STYX: variants seen among roughly 807,000 people sequenced by gnomAD.
The protein encoded by STYX is serine/threonine/tyrosine-interacting protein.
In STYX, 20 loss-of-function variants were observed where a neutral mutation model predicts 42.7. The ratio of observed to expected loss-of-function variants is 0.47; its 90% CI spans 0.33 to 0.68. The LOEUF is 0.68. Among genes scored for constraint, STYX ranks in the 30% least tolerant of loss-of-function variants. STYX has a pLI of 0.02. For synonymous variants in STYX, 78 were observed against 81.9 expected (o/e 0.95, Z 0.26); for missense variants, 226 against 268.5 (o/e 0.84, Z 1.11).
chr14:52,740,154 G>A (rs1881128643), intron 1 of STYX, among the ~76,000 whole-genome samples: 1 of 152,076 alleles, frequency 6.6e-6, no homozygotes, highest in Admixed American at 6.5e-5. Flanking sequence ...GTGGGCGCTT[G>A]TAATCCCAGC....
At chr14:52,756,501 C>T in intron 4 of STYX, 50 bp from the exon 5 acceptor site, 1 of 1,049,990 alleles carries the variant, frequency 9.5e-7, no homozygotes, top group South Asian at 1.4e-5. Context: ...TTTAAAGTAC[C>T]TTAAGTGTTT....
At chr14:52,748,899 C>T (rs188295765) in intron 3 of STYX, among the ~76,000 whole-genome samples, 5 of 152,366 alleles carry the variant, frequency 3.3e-5, no homozygotes, top group Admixed American at 3.3e-4. Context: ...AAATGCTTAT[C>T]TCACTTTCCC....
intron 1 of STYX, among the ~76,000 whole-genome samples, chr14:52,735,969 TGACA>T (rs1394170905): frequency 6.6e-6 from 1 of 152,202 alleles, no homozygotes; most frequent in Non-Finnish European, 1.5e-5. Flanking sequence ...TTTAAACCCT[TGACA>T]TTATTTCCAG....
At chr14:52,731,185 G>T (rs1000228518) in intron 1 of STYX, among the ~76,000 whole-genome samples, 1 of 151,978 alleles carries the variant, frequency 6.6e-6, no homozygotes, top group African/African-American at 2.4e-5. Flanking sequence ...TTTCTACTCG[G>T]ATTTTTTTTC....
At chr14:52,752,160 A>AAAAAC (rs886430808) in intron 4 of STYX, among the ~76,000 whole-genome samples, 5 of 120,048 alleles carry the variant, frequency 4.2e-5, no homozygotes, top group African/African-American at 9.2e-5. Context: ...ACACCGTCTC[A>AAAAAC]AAAACAAAAC....
intron 4 of STYX, among the ~76,000 whole-genome samples, chr14:52,751,028 T>C (rs961810037): frequency 6.6e-6 from 1 of 152,134 alleles, no homozygotes; most frequent in Admixed American, 6.5e-5. Context: ...TTAAAAATAA[T>C]GTATACTGAA....
intron 10 of STYX, 126 bp downstream of exon 10, chr14:52,769,059 A>C: frequency 1.5e-6 from 1 of 650,642 alleles, no homozygotes; most frequent in Non-Finnish European, 2.6e-6. Context: ...AGCTAATTCC[A>C]GAAGGATTCA....
Position 52,746,209 on chromosome 14 carries a change from A to C in STYX, c.91-217A>C, listed in dbSNP as rs142130166. Among the ~76,000 whole-genome samples the C allele has an allele frequency of 2.6e-5, 4 of 152,232 alleles. No homozygotes were observed. The East Asian group carries it at 7.7e-4, about 29-fold the overall frequency. On this transcript the variant is annotated intron_variant, in intron 2 of 10. Transcript: ENST00000354586. Reference sequence around the variant, plus strand: ...TTTGGGAGGCTGAGGCAGAAGGATCACTAGAGCCCAGGAGTTCCTTATCAG... The same window carrying C: ...TTTGGGAGGCTGAGGCAGAAGGATCCCTAGAGCCCAGGAGTTCCTTATCAG...
chr14:52,732,813 G>A (rs1283001041), intron 1 of STYX, among the ~76,000 whole-genome samples: 17 of 151,836 alleles, frequency 1.1e-4, no homozygotes, highest in Admixed American at 1.1e-3. Flanking sequence ...TGGGATTACA[G>A]GCGCCCGCCA....
intron 9 of STYX, among the ~76,000 whole-genome samples, chr14:52,766,781 G>C (rs1882317764): frequency 6.7e-6 from 1 of 149,582 alleles, no homozygotes; most frequent in Non-Finnish European, 1.5e-5. Context: ...CCCCGGTATA[G>C]TTTATGTTCC....
chr14:52,757,335 A>G lies in STYX; in HGVS notation c.320A>G (p.Asp107Gly), dbSNP rs373329745. 4 of 1,607,010 alleles carry G rather than the reference A, an allele frequency of 2.5e-6. No homozygotes were observed. In the African/African-American group the frequency reaches 5.3e-5, roughly 21 times the overall value. ...TGCCTCCAGACTAAGGAATTTATTGATGGGAGCTTACAAATGGGAGGTAAA... is the reference window on the plus strand; with the variant it reads ...TGCCTCCAGACTAAGGAATTTATTGGTGGGAGCTTACAAATGGGAGGTAAA... ...RFFPMTKEFI[D>G]GSLQMGGKVL... The change falls in exon 6 of 11, where the codon GAT (aspartate) becomes GGT (glycine). Residue 107 changes from aspartate to glycine, a missense_variant. Asp to Gly is a moderately conservative substitution (Grantham distance 94). Transcript: ENST00000354586.
chr14:52,760,229 TA>T (rs1396873844), intron 9 of STYX, among the ~76,000 whole-genome samples: 4 of 152,120 alleles, frequency 2.6e-5, no homozygotes, highest in African/African-American at 9.7e-5. Flanking sequence ...TTTTTTTTCT[TA>T]AAGGCTGGCA....
intron 3 of STYX, among the ~76,000 whole-genome samples, chr14:52,750,094 A>G (rs1005577230): frequency 1.3e-5 from 2 of 152,044 alleles, no homozygotes; most frequent in African/African-American, 4.8e-5. Context: ...GGGATACTCA[A>G]CCTGTATTGA....
chr14:52,746,286 G>T, intron 2 of STYX, 140 bp from the exon 3 acceptor site: 3 of 555,662 alleles, frequency 5.4e-6, no homozygotes, highest in Non-Finnish European at 9.0e-6. Context: ...AAAAAAAAAA[G>T]ATTAAAAAAA....
chr14:52,739,335 T>TA (rs924514284), intron 1 of STYX, among the ~76,000 whole-genome samples: 3 of 152,152 alleles, frequency 2.0e-5, no homozygotes, highest in Non-Finnish European at 4.4e-5. Flanking sequence ...TTTCTTTAAT[T>TA]ACACAAAATT....
rs1416084525 is a variant in STYX at position 52,747,700 on chromosome 14, TA to T, written c.144+1222del. 2.0e-5 allele frequency among the ~76,000 whole-genome samples: 3 copies of T among 152,252 alleles called. No homozygotes were observed. The East Asian group carries it at 5.8e-4, about 29-fold the overall frequency. ...CTGTACTTTATAAATATACATACAG[TA>T]TTTATCACATTAAATTAAAGTATTT... On this transcript the variant is annotated intron_variant, in intron 3 of 10. Transcript: ENST00000354586.
intron 1 of STYX, among the ~76,000 whole-genome samples, chr14:52,744,585 T>C (rs1318719574): frequency 6.6e-6 from 1 of 152,228 alleles, no homozygotes; most frequent in East Asian, 1.9e-4. Flanking sequence ...ATCTATTCTA[T>C]TCTTAAGTTT....
At chr14:52,753,267 G>T (rs1043250920) in intron 4 of STYX, among the ~76,000 whole-genome samples, 1 of 151,806 alleles carries the variant, frequency 6.6e-6, no homozygotes, top group Non-Finnish European at 1.5e-5. Flanking sequence ...TGGCCAGGCT[G>T]ATCTTGAACT....
chr14:52,731,673 G>T (rs140880842), intron 1 of STYX: 13,972 of 151,956 alleles, frequency 0.092, 701 homozygotes, highest in South Asian at 0.15. Flanking sequence ...CTGACCTTGT[G>T]ATCCGCCCGA....
Sources: gnomAD v4.1 joint callset for allele counts (sites outside exome capture counted in the v4.1 genomes callset) on GRCh38, gnomAD v4.1.1 for gene constraint, MANE v1.5 for transcripts, NCBI Gene and HGNC (gene_info 2026-07-23, HGNC 2026-07-21) for gene names.